The following MSH4 variants were observed in gnomAD, a reference collection of about 807,000 sequenced individuals.
The protein encoded by MSH4 is mutS protein homolog 4.
A neutral mutation model predicts 113.7 loss-of-function variants in MSH4; 106 were observed. The observed-to-expected ratio is 0.93, with a 90% CI of 0.80 to 1.10. The LOEUF (loss-of-function observed/expected upper bound fraction) is 1.10, where lower values mean the gene tolerates loss of function less well. MSH4 is among the 50% of genes least tolerant of loss of function. MSH4 has a pLI of 0.00. For synonymous variants in MSH4, 368 were observed against 380.2 expected (o/e 0.97, Z 0.37); for missense variants, 1,061 against 1,093.7 (o/e 0.97, Z 0.42).
intron 1 of MSH4, among the ~76,000 whole-genome samples, chr1:75,798,679 C>T (rs1196103804): frequency 6.6e-6 from 1 of 151,938 alleles, no homozygotes; most frequent in Non-Finnish European, 1.5e-5. Flanking sequence ...ACCTCAGCCT[C>T]CCGAGTAGCT....
chr1:75,870,016 T>C lies in MSH4; in HGVS notation c.1305+2428T>C, dbSNP rs373422912. On this transcript the variant is annotated intron_variant, in intron 9 of 19. Transcript: ENST00000263187. ...AAAGCAGCTGCAGGGTTCAGGGGGC[T>C]GTACCCTGCAAAGGCACAAGGGTGG... 3.9e-4 allele frequency among the ~76,000 whole-genome samples: 60 copies of C among 152,298 alleles called. 1 individual carries two copies. The highest frequency in any genetic ancestry group is 1.4e-3 in the African/African-American group (59 of 41,578).
chr1:75,826,961 T>A (rs1268014515), intron 7 of MSH4, among the ~76,000 whole-genome samples: 1 of 152,200 alleles, frequency 6.6e-6, no homozygotes, highest in Non-Finnish European at 1.5e-5. Context: ...GTTCTATAGA[T>A]GTCTATTAGG....
At chr1:75,873,748 T>TTATATATATATATATA (rs61020580) in intron 9 of MSH4, among the ~76,000 whole-genome samples, 4 of 150,344 alleles carry the variant, frequency 2.7e-5, no homozygotes, top group African/African-American at 9.8e-5. Context: ...GATCTTGTTT[T>TTATATATATATATATA]TATATATATA....
rs760938247 is a variant in MSH4 at position 75,797,110 on chromosome 1, G to A, written c.125G>A (p.Arg42His). ...GGACTCCAGGAGACTCCACAGAGCC[G>A]CCCTTCGGTCCAGGTGGTCTCTGCA... is the stretch of plus-strand genomic sequence containing the variant. ...NFGLQETPQS[R>H]PSVQVVSAST... Residue 42 changes from arginine to histidine, a missense_variant, in exon 1 of 20, where the codon CGC (arginine) becomes CAC (histidine). Coordinates refer to ENST00000263187, the MANE Select transcript of MSH4 (RefSeq NM_002440.4). The A allele has an allele frequency of 9.3e-6, 15 of 1,613,872 alleles. No individual in the cohort carries two copies. In the East Asian group the frequency reaches 2.0e-4, roughly 22 times the overall value.
intron 9 of MSH4, among the ~76,000 whole-genome samples, chr1:75,876,397 T>C: frequency 6.6e-6 from 1 of 152,128 alleles, no homozygotes; most frequent in Non-Finnish European, 1.5e-5. Flanking sequence ...CATTGCTTCA[T>C]ATCAAATTTA....
At chr1:75,861,179 T>C (rs1422845160) in intron 8 of MSH4, among the ~76,000 whole-genome samples, 1 of 152,080 alleles carries the variant, frequency 6.6e-6, no homozygotes, top group African/African-American at 2.4e-5. Context: ...TTTTTCAAGG[T>C]TTTTAGCTTC....
intron 8 of MSH4, among the ~76,000 whole-genome samples, chr1:75,855,087 G>A (rs572057742): frequency 2.6e-5 from 4 of 151,676 alleles, no homozygotes; most frequent in Non-Finnish European, 4.4e-5. Flanking sequence ...ATCTAAGCTG[G>A]AGTGCAGTGG....
At chr1:75,906,655 A>G (rs1040571280) in intron 19 of MSH4, among the ~76,000 whole-genome samples, 8 of 137,574 alleles carry the variant, frequency 5.8e-5, no homozygotes, top group African/African-American at 1.1e-4. Flanking sequence ...TAAACAGATA[A>G]CTACTTAGTT....
chr1:75,884,305 A>G lies in MSH4; in HGVS notation c.2107+484A>G, dbSNP rs558073670. Among the ~76,000 whole-genome samples, 10 of 152,246 alleles carry G rather than the reference A, an allele frequency of 6.6e-5. No homozygotes were observed. In the South Asian group the frequency reaches 1.0e-3, roughly 16 times the overall value. Reference sequence around the variant, plus strand: ...CCATAGCAGTTGATATATTATACATACACATGTGCATACATGCATCTAAAT... The same window carrying G: ...CCATAGCAGTTGATATATTATACATGCACATGTGCATACATGCATCTAAAT... On this transcript the variant is annotated intron_variant, in intron 15 of 19. Coordinates refer to ENST00000263187, the MANE Select transcript of MSH4 (RefSeq NM_002440.4).
At chr1:75,816,318 T>C in intron 5 of MSH4, 55 bp from the exon 6 acceptor site, 8 of 1,174,710 alleles carry the variant, frequency 6.8e-6, no homozygotes, top group Non-Finnish European at 9.1e-6. Flanking sequence ...TAAGGGGAAA[T>C]AGATAATTTT....
chr1:75,814,873 T>C (rs1570944504), intron 4 of MSH4, 148 bp from the exon 5 acceptor site: 2 of 601,030 alleles, frequency 3.3e-6, no homozygotes. Flanking sequence ...TCATTCTTTT[T>C]ATAGAAATAA....
At chr1:75,853,237 G>A (rs1651229598) in intron 8 of MSH4, among the ~76,000 whole-genome samples, 1 of 152,002 alleles carries the variant, frequency 6.6e-6, no homozygotes, top group Admixed American at 6.6e-5. Context: ...GCTAATTTTT[G>A]TATTTTTAGT....
Position 75,857,291 on chromosome 1 carries a change from A to G in MSH4, c.1230+9015A>G, listed in dbSNP as rs370430492. Among the ~76,000 whole-genome samples the G allele has an allele frequency of 3.9e-4, 60 of 152,228 alleles. 1 individual carries two copies. The highest frequency in any genetic ancestry group is 1.4e-3 in the African/African-American group (59 of 41,536). On this transcript the variant is annotated intron_variant, in intron 8 of 19. Coordinates refer to ENST00000263187, the MANE Select transcript of MSH4 (RefSeq NM_002440.4). ...TCACTGTGCAGAAGCTCTTTAGTTTAATTAGGTCCCACTTGTCAATTTTGG... is the reference window on the plus strand; with the variant it reads ...TCACTGTGCAGAAGCTCTTTAGTTTGATTAGGTCCCACTTGTCAATTTTGG...
chr1:75,820,278 A>AGT (rs1219828270), intron 6 of MSH4, among the ~76,000 whole-genome samples: 4 of 152,220 alleles, frequency 2.6e-5, no homozygotes, highest in Non-Finnish European at 4.4e-5. Context: ...TCCTTGTTAA[A>AGT]GTGTAGTTCA....
At chr1:75,860,198 G>C (rs1386576573) in intron 8 of MSH4, among the ~76,000 whole-genome samples, 1 of 151,898 alleles carries the variant, frequency 6.6e-6, no homozygotes, top group African/African-American at 2.4e-5. Flanking sequence ...CATGCTGATG[G>C]GTCTTCACTG....
At chr1:75,908,409 G>A (rs910822908) in intron 19 of MSH4, among the ~76,000 whole-genome samples, 2 of 152,164 alleles carry the variant, frequency 1.3e-5, no homozygotes, top group Non-Finnish European at 2.9e-5. Context: ...GCCTTCCAAA[G>A]TATTGGGATT....
chr1:75,864,600 C>T (rs1265689902), intron 8 of MSH4, among the ~76,000 whole-genome samples: 1 of 152,150 alleles, frequency 6.6e-6, no homozygotes, highest in Non-Finnish European at 1.5e-5. Context: ...GGTTGAACAT[C>T]CTTTCATATG....
intron 15 of MSH4, among the ~76,000 whole-genome samples, 199 bp downstream of exon 15, chr1:75,884,020 A>G (rs1419727380): frequency 6.6e-6 from 1 of 152,132 alleles, no homozygotes; most frequent in Non-Finnish European, 1.5e-5. Context: ...TCCAATTTCA[A>G]TTGCATTGCA....
intron 14 of MSH4, among the ~76,000 whole-genome samples, chr1:75,883,028 A>G (rs1651969864): frequency 6.6e-6 from 1 of 151,820 alleles, no homozygotes; most frequent in Non-Finnish European, 1.5e-5. Context: ...TTTTTGAGAC[A>G]GAGACTCACT....
Sources: allele counts gnomAD v4.1 joint callset (sites outside exome capture counted in the v4.1 genomes callset), GRCh38; gene constraint gnomAD v4.1.1; transcripts MANE v1.5; gene names NCBI Gene and HGNC (gene_info 2026-07-23, HGNC 2026-07-21).